The following EPHX2 variants were observed in gnomAD, a reference collection of about 807,000 sequenced individuals.
EPHX2 encodes the protein epoxide hydrolase 2, also known as bifunctional epoxide hydrolase 2.
In EPHX2, 74 loss-of-function variants were observed where a neutral mutation model predicts 78.7. The ratio of observed to expected loss-of-function variants is 0.94; its 90% CI spans 0.78 to 1.14. The LOEUF (loss-of-function observed/expected upper bound fraction) is 1.14, where lower values mean the gene tolerates loss of function less well. Among genes scored for constraint, EPHX2 ranks in the 50% most tolerant of loss-of-function variants. The pLI is 0.00. For synonymous variants in EPHX2, 251 were observed against 255.2 expected (o/e 0.98, Z 0.16); for missense variants, 715 against 702.5 (o/e 1.02, Z -0.20).
chr8:27,516,915 TCC>T (rs1814476686), intron 8 of EPHX2, among the ~76,000 whole-genome samples: 1 of 143,018 alleles, frequency 7.0e-6, no homozygotes, highest in Non-Finnish European at 1.5e-5. Flanking sequence ...ACAATTTCCT[TCC>T]TATTTTTTTT....
At chr8:27,499,844 T>C (rs918420398) in intron 1 of EPHX2, among the ~76,000 whole-genome samples, 1 of 152,120 alleles carries the variant, frequency 6.6e-6, no homozygotes, top group African/African-American at 2.4e-5. Flanking sequence ...AACAGTGTTC[T>C]CCCTGTGTCC....
chr8:27,504,407 G>A (rs1249019403), intron 3 of EPHX2, among the ~76,000 whole-genome samples: 1 of 152,204 alleles, frequency 6.6e-6, no homozygotes, highest in African/African-American at 2.4e-5. Flanking sequence ...TGGTTAGGCA[G>A]ATAAAGCCAG....
At chr8:27,508,335 T>C (rs1032579709) in intron 5 of EPHX2, among the ~76,000 whole-genome samples, 1 of 152,128 alleles carries the variant, frequency 6.6e-6, no homozygotes, top group African/African-American at 2.4e-5. Flanking sequence ...GTATTGGCAC[T>C]AAGACTTTAA....
Position 27,544,891 on chromosome 8 carries a change from C to T in EPHX2, c.*369C>T. The stretch of plus-strand genomic sequence containing the variant: ...AAGAATCTTAGCAGAGATTGGGATG[C>T]CTTACTCAATAAAGCTAAGATGACT... On this transcript the variant is annotated 3_prime_UTR_variant, in exon 19 of 19. Transcript: ENST00000521400. The T allele has an allele frequency of 4.1e-6, 1 of 242,340 alleles. No homozygotes were observed. The highest frequency in any genetic ancestry group is 7.2e-5 in the South Asian group (1 of 13,932). 15.0% of individuals were successfully genotyped at this position (242,340 alleles called of 1,614,324 possible).
chr8:27,530,762 C>CT lies in EPHX2; in HGVS notation c.1170+5307dup, dbSNP rs11343503. Among the ~76,000 whole-genome samples the CT allele has an allele frequency of 6.9e-3, 874 of 127,330 alleles. 2 individuals carry two copies. The highest frequency in any genetic ancestry group is 0.012 in the African/African-American group (385 of 31,376). The allele number at this position is 127,330 out of a possible 152,430, so 83.5% of individuals were successfully genotyped here. A position where few individuals can be genotyped will look rare whatever the true frequency, so the allele number is the denominator to read the frequency against. On this transcript the variant is annotated intron_variant, in intron 12 of 18. Transcript: ENST00000521400. ...TAACTATTGTTACTTTAATTTTTTT[C>CT]TTTTTTTTTTTTTTTTTTGAGATGG... is the stretch of plus-strand genomic sequence containing the variant.
chr8:27,501,355 T>TTCTTCTTCTTCG (rs1563340178), intron 2 of EPHX2, among the ~76,000 whole-genome samples: 1 of 127,980 alleles, frequency 7.8e-6, no homozygotes, highest in African/African-American at 3.1e-5. Flanking sequence ...CTTCTTCTTC[T>TTCTTCTTCTTCG]TCTTCTTCTT....
Position 27,541,558 on chromosome 8 carries a change from A to C in EPHX2, c.1449+16A>C, listed in dbSNP as rs1426650335. 1 of 1,614,220 alleles carries C rather than the reference A, an allele frequency of 6.2e-7. No individual in the cohort carries two copies. Among genetic ancestry groups the C allele is most frequent in the Non-Finnish European group, 8.5e-7 (1 of 1,180,012 alleles). On this transcript the variant is annotated intron_variant, in intron 16 of 18. Transcript: ENST00000521400. The stretch of plus-strand genomic sequence containing the variant: ...GGGACGGAAGGTGAGTGCCAGGTTC[A>C]GTGTAGTCTCATCCACACCCCAGGA...
At position 27,534,496 on chromosome 8, in the gene EPHX2, C is replaced by T. The variant is rs1430052969; in HGVS notation, c.1171-2288C>T. Among the ~76,000 whole-genome samples, 4 of 152,052 alleles carry T rather than the reference C, an allele frequency of 2.6e-5. No homozygotes were observed. In the East Asian group the frequency reaches 7.8e-4, roughly 29 times the overall value. ...TGAAACCCCGTCTCTACTAAAAATA[C>T]CAAAAATTAGCCGGGCGTGATAGTG... On this transcript the variant is annotated intron_variant, in intron 12 of 18. Transcript: ENST00000521400.
At chr8:27,537,908 C>T (rs948646235) in intron 13 of EPHX2, among the ~76,000 whole-genome samples, 1 of 152,122 alleles carries the variant, frequency 6.6e-6, no homozygotes, top group Non-Finnish European at 1.5e-5. Context: ...TCATCTTCAG[C>T]AGTACTTAAT....
At chr8:27,540,502 T>C in intron 14 of EPHX2, 52 bp from the exon 15 acceptor site, 1 of 1,551,874 alleles carries the variant, frequency 6.4e-7, no homozygotes, top group Non-Finnish European at 8.9e-7. Context: ...CACCTTAAAA[T>C]GCAGACACCT....
Position 27,525,482 on chromosome 8 carries a change from G to A in EPHX2, c.1170+9G>A, listed in dbSNP as rs1283495289. The A allele has an allele frequency of 6.2e-7, 1 of 1,601,422 alleles. No homozygotes were observed. Among genetic ancestry groups the A allele is most frequent in the East Asian group, 2.2e-5 (1 of 44,812 alleles). On this transcript the variant is annotated intron_variant, in intron 12 of 18. Transcript: ENST00000521400. ...TCTACTTCCAAGAACCAGTAAGTAT[G>A]GCACCAAGGGCAACAATGGGAGCAT...
chr8:27,517,978 A>T, intron 8 of EPHX2, 60 bp from the exon 9 acceptor site: 1 of 1,358,320 alleles, frequency 7.4e-7, no homozygotes, highest in Non-Finnish European at 1.0e-6. Context: ...GGTCCTTTTG[A>T]TGTGTTGATA....
At chr8:27,495,708 C>G (rs759769306) in intron 1 of EPHX2, among the ~76,000 whole-genome samples, 6 of 152,180 alleles carry the variant, frequency 3.9e-5, no homozygotes, top group Non-Finnish European at 5.9e-5. Flanking sequence ...CTGCAACTAC[C>G]CATAAACAGT....
chr8:27,530,508 A>G (rs898553619), intron 12 of EPHX2, among the ~76,000 whole-genome samples: 28 of 152,204 alleles, frequency 1.8e-4, no homozygotes, highest in Admixed American at 1.5e-3. Flanking sequence ...ATAATTTTTC[A>G]TATAAATGGA....
chr8:27,520,392 G>C (rs748452296), intron 9 of EPHX2, among the ~76,000 whole-genome samples: 2 of 151,786 alleles, frequency 1.3e-5, no homozygotes, highest in South Asian at 4.2e-4. Context: ...TTGTTACCAG[G>C]CTGGAGTGCA....
chr8:27,531,915 G>A (rs766582675), intron 12 of EPHX2, among the ~76,000 whole-genome samples: 1 of 152,140 alleles, frequency 6.6e-6, no homozygotes, highest in South Asian at 2.1e-4. Flanking sequence ...GCACCTCCCT[G>A]GCAAATTAGG....
chr8:27,531,565 G>A (rs1324001916), intron 12 of EPHX2, among the ~76,000 whole-genome samples: 2 of 152,196 alleles, frequency 1.3e-5, no homozygotes, highest in African/African-American at 4.8e-5. Flanking sequence ...TTTTGTCAAG[G>A]TAGACGGAGC....
intron 12 of EPHX2, among the ~76,000 whole-genome samples, chr8:27,529,866 G>A (rs1424837336): frequency 6.1e-5 from 9 of 146,658 alleles, no homozygotes; most frequent in African/African-American, 2.0e-4. Flanking sequence ...AGCTGACATC[G>A]CAGTACTGCA....
chr8:27,537,297 C>T (rs1415190154), intron 13 of EPHX2, among the ~76,000 whole-genome samples: 1 of 152,216 alleles, frequency 6.6e-6, no homozygotes, highest in Non-Finnish European at 1.5e-5. Context: ...TTACTGATCA[C>T]TTCTTGCATC....
Sources: allele counts gnomAD v4.1 joint callset (sites outside exome capture counted in the v4.1 genomes callset), GRCh38; gene constraint gnomAD v4.1.1; transcripts MANE v1.5; gene names NCBI Gene and HGNC (gene_info 2026-07-23, HGNC 2026-07-21).